The following PCDH9 variants were observed in gnomAD, a reference collection of about 807,000 sequenced individuals.
PCDH9 encodes protocadherin 9, also known as protocadherin-9.
In PCDH9, 24 loss-of-function variants were observed where a neutral mutation model predicts 70.6. That is an observed-to-expected ratio of 0.34 (90% CI 0.25 to 0.48). The LOEUF (loss-of-function observed/expected upper bound fraction) is 0.48, where lower values mean the gene tolerates loss of function less well. PCDH9 is among the 20% of genes least tolerant of loss of function. The pLI, the probability that PCDH9 is intolerant of heterozygous loss-of-function variation, is 0.99. For synonymous variants in PCDH9, 562 were observed against 558.5 expected, an observed-to-expected ratio of 1.01 and a Z score of -0.09; for missense variants, 1,281 against 1,503.6, an observed-to-expected ratio of 0.85 and a Z score of 2.45.
chr13:66,504,356 T>G (rs1959192846), intron 4 of PCDH9, among the ~76,000 whole-genome samples: 1 of 152,206 alleles, frequency 6.6e-6, no homozygotes, highest in South Asian at 2.1e-4. Flanking sequence ...AATATTTCTT[T>G]CAGTTTCTCC....
intron 2 of PCDH9, among the ~76,000 whole-genome samples, chr13:67,124,331 A>G (rs1183044259): frequency 6.6e-6 from 1 of 152,194 alleles, no homozygotes; most frequent in Non-Finnish European, 1.5e-5. Context: ...TATTGAATGT[A>G]GTAGGCATAT....
chr13:66,449,684 A>T (rs977680050), intron 4 of PCDH9, among the ~76,000 whole-genome samples: 1 of 152,196 alleles, frequency 6.6e-6, no homozygotes, highest in Non-Finnish European at 1.5e-5. Context: ...AGAATTTTTC[A>T]AATAACTGAA....
chr13:66,509,721 G>A (rs1324708183), intron 4 of PCDH9, among the ~76,000 whole-genome samples: 4 of 152,026 alleles, frequency 2.6e-5, no homozygotes, highest in African/African-American at 9.7e-5. Context: ...CCAAAGCGCT[G>A]GGACTGCAAT....
rs182125903 is a variant in PCDH9 at position 66,838,408 on chromosome 13, A to G, written c.3138+65096T>C. On this transcript the variant is annotated intron_variant, in intron 3 of 4. Coordinates refer to ENST00000377865, the MANE Select transcript of PCDH9 (RefSeq NM_203487.3). The stretch of plus-strand genomic sequence containing the variant: ...ATTCATTGTCAGTGCAGTTATTTGG[A>G]AAAAAATAAGGTCTGAATTGTCTAT... Among the ~76,000 whole-genome samples the G allele has an allele frequency of 7.9e-3, 1,204 of 152,176 alleles. 11 individuals are homozygous for G. Among genetic ancestry groups the G allele is most frequent in the African/African-American group, 0.027 (1,123 of 41,534 alleles).
intron 4 of PCDH9, among the ~76,000 whole-genome samples, chr13:66,350,984 A>G (rs1956283153): frequency 6.6e-6 from 1 of 152,206 alleles, no homozygotes; most frequent in African/African-American, 2.4e-5. Flanking sequence ...TCATGTCTAC[A>G]GGTCCTACGA....
intron 3 of PCDH9, among the ~76,000 whole-genome samples, chr13:66,748,301 T>C (rs935760441): frequency 2.0e-5 from 3 of 152,230 alleles, no homozygotes; most frequent in Non-Finnish European, 4.4e-5. Flanking sequence ...TTTAATGAGA[T>C]AAATTTTATT....
chr13:66,833,316 T>C (rs185102345), intron 3 of PCDH9, among the ~76,000 whole-genome samples: 1 of 152,356 alleles, frequency 6.6e-6, no homozygotes, highest in East Asian at 1.9e-4. Context: ...TTCACACTGA[T>C]ACCTTTGACT....
chr13:66,580,231 T>C lies in PCDH9; in HGVS notation c.3340+50979A>G, dbSNP rs190003247. Among the ~76,000 whole-genome samples, 143 of 152,188 alleles carry C rather than the reference T, an allele frequency of 9.4e-4. 1 individual carries two copies. Among genetic ancestry groups the C allele is most frequent in the African/African-American group, 3.3e-3 (136 of 41,568 alleles). The stretch of plus-strand genomic sequence containing the variant: ...TATTCTCTTATAATTATGTATCAAC[T>C]TAAAACATCTTTGTTAAAATATTTG... On this transcript the variant is annotated intron_variant, in intron 4 of 4. Transcript: ENST00000377865.
chr13:66,857,684 T>C (rs1002144344), intron 3 of PCDH9, among the ~76,000 whole-genome samples: 21 of 152,306 alleles, frequency 1.4e-4, no homozygotes, highest in Admixed American at 1.0e-3. Flanking sequence ...TTTTTTTCTA[T>C]GTATAATCAT....
chr13:66,565,406 C>T (rs2076638870), intron 4 of PCDH9, among the ~76,000 whole-genome samples: 1 of 152,148 alleles, frequency 6.6e-6, no homozygotes, highest in African/African-American at 2.4e-5. Context: ...TAAAGAAAAG[C>T]TGTATGAGAA....
intron 4 of PCDH9, among the ~76,000 whole-genome samples, chr13:66,608,814 T>C (rs2077254656): frequency 6.6e-6 from 1 of 152,186 alleles, no homozygotes; most frequent in South Asian, 2.1e-4. Context: ...CTGGGAAATA[T>C]ATTTAAAATG....
At chr13:66,988,089 C>T (rs1040844274) in intron 2 of PCDH9, among the ~76,000 whole-genome samples, 2 of 151,790 alleles carry the variant, frequency 1.3e-5, no homozygotes, top group African/African-American at 4.8e-5. Flanking sequence ...ATTGTAGAGA[C>T]AGGGCCTGAC....
intron 2 of PCDH9, among the ~76,000 whole-genome samples, chr13:67,002,348 A>G (rs2084262014): frequency 6.6e-6 from 1 of 152,026 alleles, no homozygotes; most frequent in Non-Finnish European, 1.5e-5. Context: ...AATGGATACA[A>G]TGAAGTTCTC....
At chr13:66,402,840 GC>G (rs1957211597) in intron 4 of PCDH9, among the ~76,000 whole-genome samples, 1 of 152,034 alleles carries the variant, frequency 6.6e-6, no homozygotes, top group Non-Finnish European at 1.5e-5. Context: ...GAGATAATAA[GC>G]AAAAGTCAAT....
intron 2 of PCDH9, among the ~76,000 whole-genome samples, chr13:66,997,854 A>C (rs1462419995): frequency 6.6e-6 from 1 of 152,072 alleles, no homozygotes; most frequent in Non-Finnish European, 1.5e-5. Flanking sequence ...TTTCAACATG[A>C]GATTTAGAGG....
intron 4 of PCDH9, among the ~76,000 whole-genome samples, chr13:66,481,288 G>A (rs1196505167): frequency 3.5e-5 from 5 of 141,298 alleles, no homozygotes; most frequent in South Asian, 4.6e-4. Flanking sequence ...ATGTACCCCA[G>A]AACTTAAAGT....
chr13:66,511,242 A>G (rs545090928), intron 4 of PCDH9, among the ~76,000 whole-genome samples: 26 of 152,314 alleles, frequency 1.7e-4, no homozygotes, highest in African/African-American at 6.3e-4. Context: ...GTTTTGCATT[A>G]TAGTTGTTAT....
intron 2 of PCDH9, among the ~76,000 whole-genome samples, chr13:67,057,582 T>G (rs1010751186): frequency 6.6e-6 from 1 of 152,084 alleles, no homozygotes; most frequent in South Asian, 2.1e-4. Context: ...CACAAACTAG[T>G]TGGCGAGTGG....
At chr13:66,622,133 T>C (rs1416115497) in intron 4 of PCDH9, among the ~76,000 whole-genome samples, 1 of 152,224 alleles carries the variant, frequency 6.6e-6, no homozygotes, top group Non-Finnish European at 1.5e-5. Context: ...CCAGCAGTGC[T>C]GGCCCACGGG....
Sources: allele counts gnomAD v4.1 joint callset (sites outside exome capture counted in the v4.1 genomes callset), GRCh38; gene constraint gnomAD v4.1.1; transcripts MANE v1.5; gene names NCBI Gene and HGNC (gene_info 2026-07-23, HGNC 2026-07-21).